Variants in TTC6 observed in about 807,000 individuals in gnomAD.
TTC6 encodes the protein tetratricopeptide repeat protein 6.
TTC6 carries 172 observed loss-of-function variants against 210.4 expected under a neutral mutation model. The observed-to-expected ratio is 0.82, with a 90% CI of 0.72 to 0.93. The LOEUF (loss-of-function observed/expected upper bound fraction) is 0.93, where lower values mean the gene tolerates loss of function less well. Among genes scored for constraint, TTC6 ranks in the 40% least tolerant of loss-of-function variants. The pLI is 0.00. For synonymous variants in TTC6, 804 were observed against 819.6 expected (o/e 0.98, Z 0.32); for missense variants, 2,414 against 2,318.1 (o/e 1.04, Z -0.85).
chr14:37,783,204 G>C (rs1456008798), intron 14 of TTC6, among the ~76,000 whole-genome samples: 4 of 152,176 alleles, frequency 2.6e-5, no homozygotes, highest in Admixed American at 6.5e-5. Flanking sequence ...AGAAGGAAGG[G>C]TACCAGCTCC....
chr14:37,710,366 G>A (rs1239431550), intron 5 of TTC6, among the ~76,000 whole-genome samples: 1 of 152,064 alleles, frequency 6.6e-6, no homozygotes, highest in Non-Finnish European at 1.5e-5. Flanking sequence ...TTTTTTCAGA[G>A]TACTCACAGC....
intron 14 of TTC6, among the ~76,000 whole-genome samples, chr14:37,784,445 C>T (rs1403673332): frequency 6.6e-6 from 1 of 152,172 alleles, no homozygotes; most frequent in Non-Finnish European, 1.5e-5. Flanking sequence ...ATTACAACCC[C>T]TGCTTTTTTT....
At chr14:37,761,856 G>C (rs1359427944) in intron 14 of TTC6, among the ~76,000 whole-genome samples, 2 of 152,080 alleles carry the variant, frequency 1.3e-5, no homozygotes, top group African/African-American at 4.8e-5. Flanking sequence ...GTGATGTTAT[G>C]ATACATGTAT....
intron 1 of TTC6, among the ~76,000 whole-genome samples, chr14:37,667,603 T>C (rs1197041804): frequency 6.6e-6 from 1 of 150,774 alleles, no homozygotes; most frequent in Non-Finnish European, 1.5e-5. Context: ...GGGCTCCCTA[T>C]ATTTAAAAAA....
chr14:37,771,758 T>C (rs138273834), intron 14 of TTC6, among the ~76,000 whole-genome samples: 2,347 of 152,276 alleles, frequency 0.015, 63 homozygotes, highest in African/African-American at 0.053. Context: ...AATGTCCTCC[T>C]GTGGCTCAGA....
At chr14:37,842,202 A>C (rs1456677571) in exon 31 of TTC6, 1 of 1,609,000 alleles carries the variant, frequency 6.2e-7, no homozygotes, top group Admixed American at 1.7e-5. Flanking sequence ...TTTTAGAGCA[A>C]AAGTTCGTGG....
At chr14:37,828,240 T>G (rs1026209912) in intron 29 of TTC6, among the ~76,000 whole-genome samples, 1 of 152,112 alleles carries the variant, frequency 6.6e-6, no homozygotes, top group Non-Finnish European at 1.5e-5. Flanking sequence ...TGAATCATAA[T>G]GCATTTACAT....
intron 26 of TTC6, among the ~76,000 whole-genome samples, chr14:37,822,873 A>G (rs1309417493): frequency 6.6e-6 from 1 of 152,160 alleles, no homozygotes; most frequent in Non-Finnish European, 1.5e-5. Context: ...TTTTCCTTTC[A>G]TGTGTAAAAT....
intron 27 of TTC6, among the ~76,000 whole-genome samples, chr14:37,825,134 T>C (rs370241636): frequency 1.3e-5 from 2 of 152,106 alleles, no homozygotes; most frequent in East Asian, 3.9e-4. Context: ...AACAAATACT[T>C]ACAGATTCCC....
chr14:37,658,925 C>T (rs531014857), intron 1 of TTC6, among the ~76,000 whole-genome samples: 28 of 152,214 alleles, frequency 1.8e-4, no homozygotes, highest in African/African-American at 6.7e-4. Context: ...TCCCTCCTCC[C>T]ACCCTTCACC....
intron 1 of TTC6, among the ~76,000 whole-genome samples, chr14:37,630,907 G>GTGTTT (rs2095668293): frequency 6.0e-5 from 2 of 33,064 alleles, no homozygotes; most frequent in Non-Finnish European, 5.1e-5. Flanking sequence ...GGCAACCCCT[G>GTGTTT]TTTTTTTTTT....
chr14:37,718,010 C>T (rs1468731137), intron 6 of TTC6, among the ~76,000 whole-genome samples: 1 of 152,188 alleles, frequency 6.6e-6, no homozygotes, highest in Non-Finnish European at 1.5e-5. Flanking sequence ...AGGCCTACAT[C>T]AGATGCTAGT....
intron 1 of TTC6, among the ~76,000 whole-genome samples, chr14:37,599,924 C>G (rs1004393298): frequency 3.2e-4 from 48 of 152,276 alleles, no homozygotes; most frequent in South Asian, 1.7e-3. Context: ...TTGTTCACAC[C>G]GGTCAGCGCC....
chr14:37,781,654 G>T (rs538512500), intron 14 of TTC6, among the ~76,000 whole-genome samples: 35 of 152,208 alleles, frequency 2.3e-4, no homozygotes, highest in South Asian at 1.0e-3. Flanking sequence ...GTCAATTTTG[G>T]CTTTTGTTGC....
chr14:37,596,621 G>C (rs558667444), intron 1 of TTC6, among the ~76,000 whole-genome samples: 1 of 152,330 alleles, frequency 6.6e-6, no homozygotes, highest in South Asian at 2.1e-4. Flanking sequence ...GTGTGTGACC[G>C]TTTGTATATT....
At chr14:37,797,011 A>G in intron 20 of TTC6, 64 bp downstream of exon 22, 7 of 1,326,064 alleles carry the variant, frequency 5.3e-6, no homozygotes, top group Non-Finnish European at 6.9e-6. Flanking sequence ...TGTGCTTAGT[A>G]TACCACTTTA....
intron 10 of TTC6, among the ~76,000 whole-genome samples, chr14:37,747,060 C>A (rs1357661630): frequency 6.6e-6 from 1 of 152,166 alleles, no homozygotes; most frequent in East Asian, 1.9e-4. Context: ...ACTGAACATA[C>A]AATTTTTATA....
intron 20 of TTC6, among the ~76,000 whole-genome samples, chr14:37,802,845 G>A (rs2096110058): frequency 6.6e-6 from 1 of 151,302 alleles, no homozygotes; most frequent in Non-Finnish European, 1.5e-5. Flanking sequence ...CAATTCTCCT[G>A]CCTCAGCCTC....
At chr14:37,600,260 G>C (rs1486434764) in intron 1 of TTC6, among the ~76,000 whole-genome samples, 3 of 152,170 alleles carry the variant, frequency 2.0e-5, no homozygotes, top group Non-Finnish European at 2.9e-5. Context: ...CTGTGTGCAA[G>C]AGCTGGGAGG....
Sources: allele counts gnomAD v4.1 joint callset (sites outside exome capture counted in the v4.1 genomes callset), GRCh38; gene constraint gnomAD v4.1.1; transcripts MANE v1.5; gene names NCBI Gene and HGNC (gene_info 2026-07-23, HGNC 2026-07-21).